Variants in PLCH2 observed in about 807,000 individuals in gnomAD.
PLCH2 encodes the protein phospholipase C eta 2.
PLCH2 carries 98 observed loss-of-function variants against 134.7 expected under a neutral mutation model. The observed-to-expected ratio is 0.73, with a 90% CI of 0.62 to 0.86. The LOEUF (loss-of-function observed/expected upper bound fraction) is 0.86, where lower values mean the gene tolerates loss of function less well. PLCH2 is among the 40% of genes least tolerant of loss of function. PLCH2 has a pLI of 0.00. For missense variants in PLCH2, 1,994 were observed against 1,986.6 expected (o/e 1.00, Z -0.07); for synonymous variants, 974 against 827.5 (o/e 1.18, Z -3.04).
At chr1:2,456,498 C>A (rs1640499955) in intron 2 of PLCH2, among the ~76,000 whole-genome samples, 1 of 152,240 alleles carries the variant, frequency 6.6e-6, no homozygotes, top group South Asian at 2.1e-4. Flanking sequence ...TTGTCACCGT[C>A]ACTGTCACCG....
intron 2 of PLCH2, among the ~76,000 whole-genome samples, chr1:2,461,367 C>T (rs913189880): frequency 6.6e-6 from 1 of 152,214 alleles, no homozygotes; most frequent in African/African-American, 2.4e-5. Flanking sequence ...CAAGGCTGTC[C>T]TTCAGCAGGG....
chr1:2,451,341 C>T lies in PLCH2; in HGVS notation c.115+20712C>T, dbSNP rs538609906. 3.3e-5 allele frequency among the ~76,000 whole-genome samples: 5 copies of T among 152,342 alleles called. No individual in the cohort carries two copies. In the South Asian group the frequency reaches 6.2e-4, roughly 19 times the overall value. On this transcript the variant is annotated intron_variant, in intron 2 of 3. Transcript: ENST00000609981. The stretch of plus-strand genomic sequence containing the variant: ...CGAAGATCATACGCAGTAGCGTCTC[C>T]GAGGGATGCCACTAGCAGTGACAGG...
intron 2 of PLCH2, 29 bp from the exon 3 acceptor site, chr1:2,479,705 C>T: frequency 6.6e-7 from 1 of 1,520,626 alleles, no homozygotes; most frequent in Non-Finnish European, 8.9e-7. Context: ...CCCCGGGGAC[C>T]TGACCCGTGC....
At position 2,476,555 on chromosome 1, in the gene PLCH2, G is replaced by T. The variant is rs749722961; in HGVS notation, c.-34G>T. ...GCCCGAAGGCCGGTGGGCCTCTGTG[G>T]CCTCCGTGAAGCAGGCCCGGCTGTC... On this transcript the variant is annotated 5_prime_UTR_variant, in exon 1 of 22. Transcript: ENST00000378486. 1.4e-6 allele frequency: 2 copies of T among 1,465,568 alleles called. No homozygotes were observed. The highest frequency in any genetic ancestry group is 1.8e-6 in the Non-Finnish European group (2 of 1,113,840). 90.8% of individuals were successfully genotyped at this position (1,465,568 alleles called of 1,614,324 possible).
At chr1:2,469,996 A>G (rs979342548) in intron 1 of PLCH2, among the ~76,000 whole-genome samples, 1 of 152,190 alleles carries the variant, frequency 6.6e-6, no homozygotes, top group Non-Finnish European at 1.5e-5. Context: ...GCTCTGCCCC[A>G]GAGAGCAGCA....
chr1:2,473,032 G>A (rs954246244), upstream of PLCH2, among the ~76,000 whole-genome samples: 4 of 152,172 alleles, frequency 2.6e-5, no homozygotes, highest in African/African-American at 9.7e-5. Context: ...GTTGATGACA[G>A]CCGCGAGGCC....
chr1:2,419,536 G>A, the PLCH2 span, among the ~76,000 whole-genome samples: 1 of 152,156 alleles, frequency 6.6e-6, no homozygotes, highest in Non-Finnish European at 1.5e-5. Context: ...GCAGTGGGGT[G>A]CAGGGTCTCC....
Position 2,489,230 on chromosome 1 carries a change from A to T in PLCH2, c.1259A>T (p.Glu420Val), listed in dbSNP as rs755926353. ...KNEYPVILSI[E>V]NHCSVIQQKK... Reference sequence around the variant, plus strand: ...AGGTACCCAGTGATCCTGTCCATCGAAAACCACTGCAGTGTCATCCAGCAG... The same window carrying T: ...AGGTACCCAGTGATCCTGTCCATCGTAAACCACTGCAGTGTCATCCAGCAG... The change falls in exon 9 of 22, where the codon GAA becomes GTA. Residue 420 changes from glutamate to valine, a missense_variant. By Grantham distance (121) the Glu-to-Val change is moderately radical. This residue lies in a region of PLCH2 where 1,094 missense variants were observed against 1,234.3 expected (regional missense o/e 0.89). Coordinates refer to ENST00000378486, the MANE Select transcript of PLCH2 (RefSeq NM_014638.4). 1 of 1,613,914 alleles carries T rather than the reference A, an allele frequency of 6.2e-7. No homozygotes were observed. The highest frequency in any genetic ancestry group is 8.5e-7 in the Non-Finnish European group (1 of 1,179,866).
chr1:2,505,179 C>T lies in PLCH2; in HGVS notation c.4217C>T (p.Ala1406Val), dbSNP rs375435461. 1.1e-5 allele frequency: 17 copies of T among 1,571,834 alleles called. No individual in the cohort carries two copies. Among genetic ancestry groups the T allele is most frequent in the African/African-American group, 6.7e-5 (5 of 74,200 alleles). Residue 1406 changes from alanine (A) to valine (V), a missense_variant, in exon 22 of 22, where the codon GCG becomes GTG. Physicochemically the swap from Ala to Val is moderately conservative, Grantham distance 64. Coordinates refer to ENST00000378486, the MANE Select transcript of PLCH2 (RefSeq NM_014638.4). ...AAGGGAGCCCTCGGGCCAGCATCCG[C>T]GGCTGCTGAAAACCTGGTCCTGCTC... ...PSKGALGPAS[A>V]AAENLVLLRL
rs1294802383 is a variant in PLCH2 at position 2,448,224 on chromosome 1, C to T, written c.115+17595C>T. ...TCCTGCAGCTGCTGGGACCGGCTGC[C>T]GTGCACTGGCCACTAAAAACGCCGC... On this transcript the variant is annotated intron_variant, in intron 2 of 3. Coordinates refer to the PLCH2 transcript ENST00000609981. This position sits in a 1 kb window ranked among gnomAD's most constrained non-coding sequence, Gnocchi z 4.0. Among the ~76,000 whole-genome samples the T allele has an allele frequency of 2.0e-5, 3 of 152,164 alleles. No homozygotes were observed. Among genetic ancestry groups the T allele is most frequent in the Admixed American group, 6.5e-5 (1 of 15,276 alleles).
At chr1:2,437,618 C>A (rs1639489522) in intron 2 of PLCH2, among the ~76,000 whole-genome samples, 1 of 152,210 alleles carries the variant, frequency 6.6e-6, no homozygotes, top group African/African-American at 2.4e-5. Context: ...TCATACCTGG[C>A]TAAGCAGGGG....
intron 21 of PLCH2, 74 bp from the exon 22 acceptor site, chr1:2,503,848 G>A (rs948930803): frequency 5.4e-5 from 35 of 649,354 alleles, no homozygotes; most frequent in Non-Finnish European, 8.7e-5. Flanking sequence ...ACTCCTCTCC[G>A]CCTCTCTCCC....
the PLCH2 span, among the ~76,000 whole-genome samples, chr1:2,419,023 CCT>C: frequency 2.0e-5 from 3 of 152,224 alleles, no homozygotes; most frequent in African/African-American, 7.2e-5. Flanking sequence ...GTGCCCGACG[CCT>C]CTCTCTGCGG....
At chr1:2,443,890 A>AGCCCCC (rs1451848583) in intron 2 of PLCH2, among the ~76,000 whole-genome samples, 1 of 150,626 alleles carries the variant, frequency 6.6e-6, no homozygotes, top group Non-Finnish European at 1.5e-5. Flanking sequence ...CCCGGCCCGC[A>AGCCCCC]GCCCCCGCCC....
upstream of PLCH2, among the ~76,000 whole-genome samples, chr1:2,471,361 TGCACTGGGGGAAG>T (rs1293539730): frequency 6.6e-6 from 1 of 152,192 alleles, no homozygotes; most frequent in Non-Finnish European, 1.5e-5. Context: ...CAAGAAGGGC[TGCACTGGGGGAAG>T]GTACGGGTCA....
rs1199306588 is a variant in PLCH2, at chr1:2,448,440, T to C, written c.115+17811T>C. On this transcript the variant is annotated intron_variant, in intron 2 of 3. Coordinates refer to the PLCH2 transcript ENST00000609981. This position sits in a 1 kb window ranked among gnomAD's most constrained non-coding sequence, Gnocchi z 4.0. ...CCCTCGCCCTTCTCTCCGTCTTCTC[T>C]TGCGCCTCGAGTCTCCTTTGTCCTG... Among the ~76,000 whole-genome samples, 6 of 152,196 alleles carry C rather than the reference T, an allele frequency of 3.9e-5. No homozygotes were observed. Among genetic ancestry groups the C allele is most frequent in the Non-Finnish European group, 4.4e-5 (3 of 68,030 alleles).
chr1:2,459,434 C>T (rs1271342072), intron 2 of PLCH2, among the ~76,000 whole-genome samples: 23 of 64,550 alleles, frequency 3.6e-4, no homozygotes, highest in African/African-American at 1.3e-3. Flanking sequence ...GCCGGTGGTC[C>T]TCCTTGCCGG....
At chr1:2,424,794 T>C (rs745589292), upstream of PLCH2, among the ~76,000 whole-genome samples, 50 of 152,196 alleles carry the variant, frequency 3.3e-4, no homozygotes, top group Non-Finnish European at 5.1e-4. Context: ...GAGACCATCC[T>C]GGCTAACACA....
At chr1:2,487,795 C>T in intron 8 of PLCH2, 77 bp downstream of exon 8, 2 of 1,351,886 alleles carry the variant, frequency 1.5e-6, no homozygotes. Context: ...CTTCCTGCCA[C>T]ACCCACATGT....
Sources: allele counts gnomAD v4.1 joint callset (sites outside exome capture counted in the v4.1 genomes callset), GRCh38; gene constraint gnomAD v4.1.1; regional missense constraint gnomAD v4.1.1; non-coding constraint Gnocchi (gnomAD v3.1); transcripts MANE v1.5; gene names NCBI Gene and HGNC (gene_info 2026-07-23, HGNC 2026-07-21).